The following PCDHA5 variants were observed in gnomAD, a reference collection of about 807,000 sequenced individuals.
The protein encoded by PCDHA5 is protocadherin alpha 5.
Under a neutral mutation model 61.6 loss-of-function variants are expected in PCDHA5, and 43 were observed. The observed-to-expected ratio is 0.70, with a 90% confidence interval of 0.55 to 0.90. The LOEUF (loss-of-function observed/expected upper bound fraction) is 0.90. Among genes scored for constraint, PCDHA5 ranks in the 40% least tolerant of loss-of-function variants. The pLI is 0.00. For missense variants in PCDHA5, 1,298 were observed against 1,222.7 expected, an observed-to-expected ratio of 1.06 and a Z score of -0.92; for synonymous variants, 627 against 543.9, an observed-to-expected ratio of 1.15 and a Z score of -2.13.
At chr5:140,880,870 G>T (rs1413243877) in intron 1 of PCDHA5, among the ~76,000 whole-genome samples, 1 of 152,142 alleles carries the variant, frequency 6.6e-6, no homozygotes, top group East Asian at 1.9e-4. Context: ...ATGTGAAGAG[G>T]TAAATAAAGA....
At chr5:140,871,380 T>G in intron 1 of PCDHA5, 1 of 1,614,184 alleles carries the variant, frequency 6.2e-7, no homozygotes, top group East Asian at 2.2e-5. Context: ...GGGTGTGCTC[T>G]GAGGAGGGCC....
intron 2 of PCDHA5, among the ~76,000 whole-genome samples, chr5:140,981,175 T>C (rs1350828084): frequency 6.6e-6 from 1 of 152,238 alleles, no homozygotes; most frequent in African/African-American, 2.4e-5. Context: ...TTCCCTCTAA[T>C]AGTTCAAGTT....
intron 3 of PCDHA5, among the ~76,000 whole-genome samples, chr5:140,985,103 A>G (rs1342526252): frequency 6.6e-6 from 1 of 151,694 alleles, no homozygotes; most frequent in African/African-American, 2.4e-5. Context: ...AAGCCTGGCT[A>G]ATTTTTTGTG....
intron 1 of PCDHA5, among the ~76,000 whole-genome samples, chr5:140,839,625 C>T (rs1361180713): frequency 6.6e-6 from 1 of 151,884 alleles, no homozygotes; most frequent in African/African-American, 2.4e-5. Flanking sequence ...CCTGAGATAT[C>T]GAGAAATACT....
intron 1 of PCDHA5, chr5:140,968,172 T>C (rs2096226402): frequency 6.2e-7 from 1 of 1,614,110 alleles, no homozygotes; most frequent in Non-Finnish European, 8.5e-7. Flanking sequence ...CCACCAAGCT[T>C]CCTGGAGGAC....
chr5:140,950,749 C>G (rs1202993675), intron 1 of PCDHA5, among the ~76,000 whole-genome samples: 5 of 152,002 alleles, frequency 3.3e-5, no homozygotes, highest in African/African-American at 4.8e-5. Flanking sequence ...TTCTCTCTAT[C>G]CTTTCTGGAC....
intron 1 of PCDHA5, chr5:140,927,555 C>G: frequency 6.2e-7 from 1 of 1,614,176 alleles, no homozygotes. Context: ...AAGTCACCAT[C>G]ATTGTGGTGG....
chr5:140,886,012 T>C (rs1363937487), intron 1 of PCDHA5, among the ~76,000 whole-genome samples: 1 of 152,190 alleles, frequency 6.6e-6, no homozygotes, highest in Non-Finnish European at 1.5e-5. Context: ...TAAAGGGAGA[T>C]GCTATGTATT....
chr5:140,875,876 A>C, intron 1 of PCDHA5: 1 of 1,614,178 alleles, frequency 6.2e-7, no homozygotes, highest in South Asian at 1.1e-5. Flanking sequence ...GTGTTCAGAG[A>C]AAGGGAACAA....
chr5:140,857,185 A>T (rs782245615), intron 1 of PCDHA5: 1 of 1,598,506 alleles, frequency 6.3e-7, no homozygotes, highest in South Asian at 1.1e-5. Flanking sequence ...ATGATTCAGG[A>T]GCCAACGGAC....
chr5:140,871,269 G>T, intron 1 of PCDHA5: 3 of 1,613,952 alleles, frequency 1.9e-6, no homozygotes, highest in Non-Finnish European at 2.5e-6. Context: ...CGCTGTGGTG[G>T]TCGGCAACGC....
At chr5:140,883,759 G>C (rs1554179777) in intron 1 of PCDHA5, 1 of 1,612,822 alleles carries the variant, frequency 6.2e-7, no homozygotes, top group Non-Finnish European at 8.5e-7. Context: ...TGGTGGAGCG[G>C]CGGGTGGGCG....
intron 1 of PCDHA5, chr5:140,854,159 C>CTAAAA (rs2043003709): frequency 3.1e-6 from 1 of 323,772 alleles, no homozygotes; most frequent in Admixed American, 1.0e-4. Context: ...GATTCTGTCT[C>CTAAAA]AAAAAAAAAA....
At chr5:140,870,097 C>T in intron 1 of PCDHA5, 1 of 1,613,888 alleles carries the variant, frequency 6.2e-7, no homozygotes, top group African/African-American at 1.3e-5. Context: ...AATGGCAGGT[C>T]ACTGTACAGT....
rs1180805331 is a variant in PCDHA5 at position 140,853,371 on chromosome 5, G to C, written c.2352+29244G>C. On this transcript the variant is annotated intron_variant, in intron 1 of 3. Coordinates refer to ENST00000529859, the MANE Select transcript of PCDHA5 (RefSeq NM_018908.3). ...ATGAACTCACAGGGATCCAGAGATGGTAAAATTCAAAACAGCCTGTCAAGT... is the reference window on the plus strand; with the variant it reads ...ATGAACTCACAGGGATCCAGAGATGCTAAAATTCAAAACAGCCTGTCAAGT... 3.0e-6 allele frequency: 3 copies of C among 983,910 alleles called. No homozygotes were observed. In the African/African-American group the frequency reaches 5.3e-5, roughly 17 times the overall value. The allele number at this position is 983,910 out of a possible 1,614,324, so 60.9% of individuals were successfully genotyped here.
chr5:140,847,780 T>C (rs1554141908), intron 1 of PCDHA5: 1 of 149,906 alleles, frequency 6.7e-6, no homozygotes, highest in Non-Finnish European at 1.5e-5. Context: ...TTCTCGCTTT[T>C]CTTGCAATAT....
intron 1 of PCDHA5, chr5:140,869,512 G>A (rs782635875): frequency 1.9e-6 from 3 of 1,614,072 alleles, no homozygotes; most frequent in Admixed American, 3.3e-5. Flanking sequence ...CTCGCTCAGA[G>A]AACAAAAGCT....
At chr5:140,959,269 C>A (rs1334380683) in intron 1 of PCDHA5, among the ~76,000 whole-genome samples, 1 of 151,924 alleles carries the variant, frequency 6.6e-6, no homozygotes, top group Non-Finnish European at 1.5e-5. Flanking sequence ...CCCAGCTACC[C>A]AGGAGCCTGA....
intron 1 of PCDHA5, among the ~76,000 whole-genome samples, chr5:140,974,578 C>T (rs1554236214): frequency 6.6e-6 from 1 of 152,170 alleles, no homozygotes; most frequent in Admixed American, 6.5e-5. Flanking sequence ...ATGGCATGAT[C>T]TTGGCTCACT....
Sources: gnomAD v4.1 joint callset for allele counts (sites outside exome capture counted in the v4.1 genomes callset) on GRCh38, gnomAD v4.1.1 for gene constraint, MANE v1.5 for transcripts, NCBI Gene and HGNC (gene_info 2026-07-23, HGNC 2026-07-21) for gene names.